TRPM7: variants seen among roughly 807,000 people sequenced by gnomAD.
TRPM7 encodes LTRPC ion channel family member 7.
A neutral mutation model predicts 229.7 loss-of-function variants in TRPM7; 134 were observed. The ratio of observed to expected loss-of-function variants is 0.58; its 90% CI spans 0.51 to 0.67. The LOEUF (loss-of-function observed/expected upper bound fraction) is 0.67, where lower values mean the gene tolerates loss of function less well. Among genes scored for constraint, TRPM7 ranks in the 30% least tolerant of loss-of-function variants. TRPM7 has a pLI of 0.00. For synonymous variants in TRPM7, 699 were observed against 715.2 expected, an observed-to-expected ratio of 0.98 and a Z score of 0.36; for missense variants, 1,901 against 2,210.0, an observed-to-expected ratio of 0.86 and a Z score of 2.80.
At chr15:50,561,902 T>C in intron 38 of TRPM7, 94 bp from the exon 39 acceptor site, 1 of 1,285,220 alleles carries the variant, frequency 7.8e-7, no homozygotes, top group South Asian at 1.7e-5. Flanking sequence ...GAACCTTTTA[T>C]TTTCTTTTCA....
chr15:50,598,269 G>C lies in TRPM7; in HGVS notation c.3163+853C>G, dbSNP rs137949240. 2.9e-3 allele frequency among the ~76,000 whole-genome samples: 437 copies of C among 152,310 alleles called. 3 individuals are homozygous for C. The highest frequency in any genetic ancestry group is 0.01 in the African/African-American group (427 of 41,574). Reference sequence around the variant, plus strand: ...AGTCAGCAGAATATCACTGAAAGCTGACAGCATCACTTATGTTCACAGGTT... The same window carrying C: ...AGTCAGCAGAATATCACTGAAAGCTCACAGCATCACTTATGTTCACAGGTT... On this transcript the variant is annotated intron_variant, in intron 22 of 38. Transcript: ENST00000646667.
chr15:50,666,786 GA>G (rs200812074), intron 1 of TRPM7, among the ~76,000 whole-genome samples: 1 of 151,860 alleles, frequency 6.6e-6, no homozygotes, highest in East Asian at 1.9e-4. Flanking sequence ...TGGGCAACAA[GA>G]GCAAAAACTG....
At chr15:50,603,920 A>G (rs2059849268) in intron 21 of TRPM7, 1 of 152,254 alleles carries the variant, frequency 6.6e-6, no homozygotes, top group South Asian at 2.1e-4. Context: ...ACATGTGTTC[A>G]TACACATCTT....
At chr15:50,592,720 A>T in intron 25 of TRPM7, 94 bp from the exon 26 acceptor site, 1 of 825,998 alleles carries the variant, frequency 1.2e-6, no homozygotes, top group Middle Eastern at 3.7e-4. Flanking sequence ...AAAGAGAAAA[A>T]TTTCACATGC....
intron 19 of TRPM7, among the ~76,000 whole-genome samples, chr15:50,607,534 T>C (rs532538908): frequency 3.3e-5 from 5 of 152,326 alleles, no homozygotes; most frequent in Admixed American, 2.0e-4. Flanking sequence ...CCCCAGAGTA[T>C]AAACGTGTTG....
chr15:50,566,233 T>C (rs1165173146), intron 38 of TRPM7, among the ~76,000 whole-genome samples: 2 of 152,208 alleles, frequency 1.3e-5, no homozygotes, highest in Non-Finnish European at 2.9e-5. Flanking sequence ...TGTAAAATTT[T>C]AAACTATTTA....
chr15:50,635,663 C>CAAAA (rs2060876809), intron 7 of TRPM7, among the ~76,000 whole-genome samples: 1 of 67,450 alleles, frequency 1.5e-5, no homozygotes, highest in Non-Finnish European at 2.6e-5. Flanking sequence ...ACTCCATCTC[C>CAAAA]CAAAAAAAAA....
rs1479238713 is a variant in TRPM7, at chr15:50,560,195, G to A, written c.*1483C>T. 4 of 152,178 alleles carry A rather than the reference G, an allele frequency of 2.6e-5. No homozygotes were observed. Among genetic ancestry groups the A allele is most frequent in the African/African-American group, 9.7e-5 (4 of 41,418 alleles). 9.4% of individuals were successfully genotyped at this position (152,178 alleles called of 1,614,324 possible). A position where few individuals can be genotyped will look rare whatever the true frequency, so the allele number is the denominator to read the frequency against. On this transcript the variant is annotated 3_prime_UTR_variant, in exon 39 of 39. Transcript: ENST00000646667. ...CATTGTACAGGACAGGAGATCAAAA[G>A]CACAGGTATACAAATGGTTCATTTA...
At chr15:50,678,011 G>A (rs565426967) in intron 1 of TRPM7, among the ~76,000 whole-genome samples, 3 of 151,506 alleles carry the variant, frequency 2.0e-5, no homozygotes, top group East Asian at 3.9e-4. Context: ...AGGCCGAGGC[G>A]GGCGGATCAC....
chr15:50,562,455 G>T (rs1358462683), intron 38 of TRPM7, among the ~76,000 whole-genome samples: 2 of 152,072 alleles, frequency 1.3e-5, no homozygotes, highest in African/African-American at 4.8e-5. Flanking sequence ...ACAGAAAAAT[G>T]ACAGAATTAT....
chr15:50,619,644 G>T (rs913804204), intron 13 of TRPM7, 101 bp downstream of exon 13: 10 of 998,084 alleles, frequency 1.0e-5, no homozygotes, highest in Non-Finnish European at 1.3e-5. Context: ...AATTTTATTG[G>T]TATTTCTAAA....
intron 27 of TRPM7, among the ~76,000 whole-genome samples, chr15:50,587,120 C>T (rs2059364020): frequency 6.6e-6 from 1 of 152,120 alleles, no homozygotes; most frequent in African/African-American, 2.4e-5. Context: ...CACCTCACCC[C>T]CAAAGAAGCT....
At chr15:50,646,913 A>G (rs1321311832) in intron 4 of TRPM7, among the ~76,000 whole-genome samples, 1 of 152,166 alleles carries the variant, frequency 6.6e-6, no homozygotes, top group South Asian at 2.1e-4. Context: ...ATTTAGTACA[A>G]TAACATGCCA....
intron 1 of TRPM7, 46 bp downstream of exon 1, chr15:50,686,485 G>A: frequency 1.2e-6 from 2 of 1,614,002 alleles, no homozygotes; most frequent in Non-Finnish European, 8.5e-7. Flanking sequence ...TTTACCGCCC[G>A]CAACCCCAGA....
At chr15:50,611,022 A>G (rs2060050382) in intron 17 of TRPM7, 71 bp downstream of exon 17, 4 of 1,234,222 alleles carry the variant, frequency 3.2e-6, no homozygotes, top group Non-Finnish European at 4.7e-6. Flanking sequence ...ATTTTACTAC[A>G]CATTTAGACT....
chr15:50,594,880 T>C (rs1430864736), intron 23 of TRPM7, among the ~76,000 whole-genome samples: 1 of 152,118 alleles, frequency 6.6e-6, no homozygotes, highest in Non-Finnish European at 1.5e-5. Flanking sequence ...TCAGACTTAT[T>C]AGTAATCAAG....
chr15:50,677,558 G>C (rs1342867161), intron 1 of TRPM7, among the ~76,000 whole-genome samples: 2 of 151,534 alleles, frequency 1.3e-5, no homozygotes. Flanking sequence ...GACCAACATG[G>C]TGAAACCCCA....
chr15:50,662,615 T>C (rs2061755817), intron 2 of TRPM7, among the ~76,000 whole-genome samples: 1 of 152,160 alleles, frequency 6.6e-6, no homozygotes. Context: ...AGATGCCCAA[T>C]AGATACACAA....
At chr15:50,652,863 ATTAC>A (rs1386691747) in intron 3 of TRPM7, among the ~76,000 whole-genome samples, 14 of 152,172 alleles carry the variant, frequency 9.2e-5, no homozygotes, top group African/African-American at 3.1e-4. Flanking sequence ...AAGCATTAGC[ATTAC>A]AAGAAAAGAC....
Sources: gnomAD v4.1 joint callset for allele counts (sites outside exome capture counted in the v4.1 genomes callset) on GRCh38, gnomAD v4.1.1 for gene constraint, MANE v1.5 for transcripts, NCBI Gene and HGNC (gene_info 2026-07-23, HGNC 2026-07-21) for gene names.